Variants in DAB1 observed in about 807,000 individuals in gnomAD.
The protein encoded by DAB1 is disabled homolog 1.
DAB1 carries 15 observed loss-of-function variants against 64.6 expected under a neutral mutation model. That is an observed-to-expected ratio of 0.23 (90% CI 0.16 to 0.36). DAB1 has a LOEUF of 0.36. Ranked by LOEUF, DAB1 falls within the 10% of genes least tolerant of loss-of-function variation. The pLI is 1.00. For synonymous variants in DAB1, 235 were observed against 251.9 expected, an observed-to-expected ratio of 0.93 and a Z score of 0.64; for missense variants, 596 against 706.7, an observed-to-expected ratio of 0.84 and a Z score of 1.78.
intron 4 of DAB1, among the ~76,000 whole-genome samples, chr1:58,320,088 A>G (rs1215410062): frequency 6.6e-6 from 1 of 152,254 alleles, no homozygotes; most frequent in African/African-American, 2.4e-5. Context: ...CTATGGAGAG[A>G]GAAATCCACA....
At chr1:58,508,493 G>T (rs1197395595) in intron 2 of DAB1, among the ~76,000 whole-genome samples, 3 of 152,150 alleles carry the variant, frequency 2.0e-5, no homozygotes, top group Admixed American at 6.5e-5. Context: ...AAACCTGGTA[G>T]AAGACTGGAG....
At chr1:57,536,735 A>T (rs180807897) in intron 7 of DAB1, among the ~76,000 whole-genome samples, 64 of 150,356 alleles carry the variant, frequency 4.3e-4, no homozygotes, top group African/African-American at 1.5e-3. Context: ...TTCCTCTCCA[A>T]ACTCCTTTCC....
chr1:57,357,519 C>CTT (rs35457403), intron 1 of DAB1, among the ~76,000 whole-genome samples: 25,286 of 122,498 alleles, frequency 0.21, 2,932 homozygotes, highest in African/African-American at 0.23. Context: ...CACCTTCTTC[C>CTT]TTTTTTTTTT....
intron 3 of DAB1, among the ~76,000 whole-genome samples, chr1:58,504,496 A>G (rs1339379938): frequency 6.6e-6 from 1 of 151,958 alleles, no homozygotes; most frequent in Non-Finnish European, 1.5e-5. Context: ...ACCCCTCTCT[A>G]ATACCTTTAA....
chr1:57,753,814 A>C (rs1324411628), intron 6 of DAB1, among the ~76,000 whole-genome samples: 1 of 152,200 alleles, frequency 6.6e-6, no homozygotes, highest in African/African-American at 2.4e-5. Context: ...ATGTTTGTAA[A>C]TGGCAGAGTC....
intron 4 of DAB1, among the ~76,000 whole-genome samples, chr1:58,331,862 C>G (rs1429792104): frequency 1.3e-5 from 2 of 152,212 alleles, no homozygotes; most frequent in Non-Finnish European, 2.9e-5. Flanking sequence ...TGAAACCGAA[C>G]TCCAACATCT....
intron 6 of DAB1, among the ~76,000 whole-genome samples, chr1:57,663,132 T>C (rs143457125): frequency 7.2e-5 from 11 of 152,078 alleles, no homozygotes; most frequent in Non-Finnish European, 1.3e-4. Flanking sequence ...AAACTTGCAA[T>C]CATGACTGAA....
intron 7 of DAB1, among the ~76,000 whole-genome samples, chr1:57,614,995 G>A (rs1018505485): frequency 2.7e-5 from 4 of 148,754 alleles, no homozygotes; most frequent in South Asian, 2.2e-4. Flanking sequence ...CTCAGCTCCC[G>A]AGTAGTTGGG....
At chr1:58,262,200 G>T (rs572941194) in intron 4 of DAB1, among the ~76,000 whole-genome samples, 2 of 152,298 alleles carry the variant, frequency 1.3e-5, no homozygotes, top group African/African-American at 4.8e-5. Context: ...AAGAGGAGGA[G>T]CCTATAGAGG....
chr1:57,637,609 C>T (rs1011794201), intron 7 of DAB1, among the ~76,000 whole-genome samples: 10 of 152,122 alleles, frequency 6.6e-5, no homozygotes, highest in Admixed American at 1.3e-4. Flanking sequence ...TTGATAAAGA[C>T]AGGATGCTGA....
chr1:58,171,210 C>G (rs1656157438), intron 4 of DAB1, among the ~76,000 whole-genome samples: 1 of 152,118 alleles, frequency 6.6e-6, no homozygotes, highest in Non-Finnish European at 1.5e-5. Context: ...GGAATCAACC[C>G]TGAAGTCTGG....
chr1:58,381,157 G>T (rs1490249862), intron 3 of DAB1, among the ~76,000 whole-genome samples: 1 of 152,174 alleles, frequency 6.6e-6, no homozygotes, highest in Non-Finnish European at 1.5e-5. Context: ...GGGGAAAAGT[G>T]GGGAGAGAGA....
chr1:57,883,998 C>T (rs1394028569), intron 1 of DAB1: 27 of 152,152 alleles, frequency 1.8e-4, no homozygotes, highest in Admixed American at 1.8e-3. Flanking sequence ...ATTTTACTCA[C>T]CAGTGTCCTA....
At chr1:57,456,683 A>G (rs1239891071) in intron 7 of DAB1, among the ~76,000 whole-genome samples, 2 of 152,120 alleles carry the variant, frequency 1.3e-5, no homozygotes, top group Non-Finnish European at 2.9e-5. Flanking sequence ...AGTATTTAAG[A>G]TTTTCACATT....
intron 4 of DAB1, among the ~76,000 whole-genome samples, chr1:58,205,157 C>G (rs1658198585): frequency 6.6e-6 from 1 of 152,188 alleles, no homozygotes; most frequent in Admixed American, 6.5e-5. Context: ...AGCCAAGCAG[C>G]ACATGCTAGA....
intron 4 of DAB1, among the ~76,000 whole-genome samples, chr1:58,208,289 G>T (rs1658380831): frequency 1.3e-5 from 2 of 152,018 alleles, no homozygotes; most frequent in Non-Finnish European, 2.9e-5. Context: ...CTTTTTTTTA[G>T]CATTTTAAAA....
chr1:57,007,725 G>A (rs1387552396), intron 14 of DAB1, among the ~76,000 whole-genome samples: 1 of 152,176 alleles, frequency 6.6e-6, no homozygotes, highest in Non-Finnish European at 1.5e-5. Flanking sequence ...GGTGATAATG[G>A]TTGCAAGGGT....
intron 6 of DAB1, among the ~76,000 whole-genome samples, chr1:57,762,746 C>T (rs1395333775): frequency 1.3e-5 from 2 of 152,168 alleles, no homozygotes; most frequent in Non-Finnish European, 2.9e-5. Context: ...TCTACTCAGC[C>T]TACAAATTTT....
At chr1:58,430,371 G>T (rs1644859077) in intron 3 of DAB1, among the ~76,000 whole-genome samples, 1 of 152,190 alleles carries the variant, frequency 6.6e-6, no homozygotes, top group South Asian at 2.1e-4. Context: ...CATTTGATTG[G>T]GTCTGGAGGA....
Sources: allele counts gnomAD v4.1 joint callset (sites outside exome capture counted in the v4.1 genomes callset), GRCh38; gene constraint gnomAD v4.1.1; transcripts MANE v1.5; gene names NCBI Gene and HGNC (gene_info 2026-07-23, HGNC 2026-07-21).